The following RARS2 variants were observed in gnomAD, a reference collection of about 807,000 sequenced individuals.
The protein encoded by RARS2 is probable arginine--tRNA ligase, mitochondrial.
A neutral mutation model predicts 88.5 loss-of-function variants in RARS2; 67 were observed. The ratio of observed to expected loss-of-function variants is 0.76; its 90% CI spans 0.62 to 0.93. RARS2 has a LOEUF of 0.93. RARS2 is among the 40% of genes least tolerant of loss of function. The pLI is 0.00. For missense variants in RARS2, 664 were observed against 684.2 expected (o/e 0.97, Z 0.33); for synonymous variants, 239 against 230.3 (o/e 1.04, Z -0.34).
chr6:87,552,817 T>C (rs1784776359), intron 5 of RARS2, among the ~76,000 whole-genome samples: 1 of 152,148 alleles, frequency 6.6e-6, no homozygotes, highest in African/African-American at 2.4e-5. Context: ...TAGGAAACTT[T>C]ATAATGGCAT....
intron 10 of RARS2, among the ~76,000 whole-genome samples, chr6:87,528,896 G>A (rs193118766): frequency 2.0e-5 from 3 of 152,252 alleles, no homozygotes; most frequent in Admixed American, 6.5e-5. Context: ...AGGTAAGTAC[G>A]TAAGGTGATG....
intron 8 of RARS2, among the ~76,000 whole-genome samples, chr6:87,537,966 A>C (rs192811469): frequency 6.6e-6 from 1 of 152,336 alleles, no homozygotes; most frequent in African/African-American, 2.4e-5. Flanking sequence ...TTATTAAATA[A>C]ATTGAGTTGT....
At chr6:87,561,879 A>C (rs1434198049) in intron 4 of RARS2, among the ~76,000 whole-genome samples, 1 of 152,210 alleles carries the variant, frequency 6.6e-6, no homozygotes, top group East Asian at 1.9e-4. Context: ...ATTTGGGAAT[A>C]TTTTTAATAA....
At position 87,548,594 on chromosome 6, in the gene RARS2, T is replaced by A. The variant is rs1391075918; in HGVS notation, c.448A>T (p.Ile150Leu). 2 of 1,612,672 alleles carry A rather than the reference T, an allele frequency of 1.2e-6. No homozygotes were observed. The highest frequency in any genetic ancestry group is 2.7e-5 in the African/African-American group (2 of 74,892). Residue 150 changes from isoleucine to leucine, a missense_variant, in exon 6 of 20, where the codon ATA (isoleucine) becomes TTA (leucine). Ile to Leu is a conservative substitution (Grantham distance 5, BLOSUM62 2). Transcript: ENST00000369536. ...FHVGHLRSTI[I>L]GNFIANLKEA... Reference sequence around the variant, plus strand: ...TTATGTGAAACTAAACACTTACCTATGATGGTAGAACGCAAATGTCCAACA... The same window carrying A: ...TTATGTGAAACTAAACACTTACCTAAGATGGTAGAACGCAAATGTCCAACA...
intron 5 of RARS2, among the ~76,000 whole-genome samples, chr6:87,551,754 T>C (rs1784407842): frequency 6.6e-6 from 1 of 151,202 alleles, no homozygotes; most frequent in Non-Finnish European, 1.5e-5. Flanking sequence ...ACCTCCACAA[T>C]TCTCATTTTA....
chr6:87,547,634 T>C (rs558115362), intron 6 of RARS2, among the ~76,000 whole-genome samples: 13 of 152,082 alleles, frequency 8.5e-5, no homozygotes, highest in Non-Finnish European at 1.5e-4. Context: ...TTTATTGAAA[T>C]AGTCTTTTTT....
At chr6:87,550,579 A>G (rs1341362007) in intron 5 of RARS2, among the ~76,000 whole-genome samples, 3 of 152,080 alleles carry the variant, frequency 2.0e-5, no homozygotes, top group African/African-American at 7.2e-5. Context: ...ACAGCTCTAT[A>G]TAATTGTGGA....
chr6:87,544,991 T>A (rs573579677), intron 7 of RARS2, among the ~76,000 whole-genome samples: 2 of 152,328 alleles, frequency 1.3e-5, no homozygotes, highest in South Asian at 4.1e-4. Flanking sequence ...TTGAGAAAGG[T>A]GTACACAGTT....
At chr6:87,573,311 G>A (rs1770383580) in intron 1 of RARS2, among the ~76,000 whole-genome samples, 3 of 152,084 alleles carry the variant, frequency 2.0e-5, no homozygotes, top group Non-Finnish European at 2.9e-5. Context: ...TTCTATCACC[G>A]AGGCAGCACT....
intron 2 of RARS2, among the ~76,000 whole-genome samples, chr6:87,566,127 C>T (rs1767788907): frequency 6.6e-6 from 1 of 151,984 alleles, no homozygotes; most frequent in Non-Finnish European, 1.5e-5. Flanking sequence ...GCTTGGGCAA[C>T]ATAGCAAGAC....
rs116553288 is a variant in RARS2 at position 87,584,672 on chromosome 6, G to A, written c.36+5250C>T. 3.7e-3 allele frequency: 1,708 copies of A among 464,732 alleles called. 23 individuals carry two copies. The highest frequency in any genetic ancestry group is 0.03 in the African/African-American group (1,537 of 50,558). The allele number at this position is 464,732 out of a possible 1,614,324, so 28.8% of individuals were successfully genotyped here. ...TACAAATCTACCCTCAAAAGACTGA[G>A]GATGCTGAGAGACTGAAGAAAGCAG... On this transcript the variant is annotated intron_variant, in intron 1 of 19. Transcript: ENST00000369536.
intron 11 of RARS2, among the ~76,000 whole-genome samples, chr6:87,522,307 G>A (rs1415367284): frequency 1.6e-5 from 2 of 125,830 alleles, no homozygotes; most frequent in African/African-American, 3.1e-5. Flanking sequence ...TCCAGACTGA[G>A]CAACAGAGCA....
chr6:87,559,991 T>C lies in RARS2; in HGVS notation c.297+2711A>G, dbSNP rs1582688340. ...TTTGGTATTTTACATGATGCACAAG[T>C]TTATGGCCTAGGTCCGTGTAGTCGG... On this transcript the variant is annotated intron_variant, in intron 4 of 19. Coordinates refer to ENST00000369536, the MANE Select transcript of RARS2 (RefSeq NM_020320.5). Among the ~76,000 whole-genome samples the C allele has an allele frequency of 2.0e-5, 3 of 152,364 alleles. No homozygotes were observed. The South Asian group carries it at 6.2e-4, about 32-fold the overall frequency.
At chr6:87,581,250 T>C (rs975164161) in intron 1 of RARS2, among the ~76,000 whole-genome samples, 5 of 152,210 alleles carry the variant, frequency 3.3e-5, no homozygotes, top group African/African-American at 9.7e-5. Flanking sequence ...TCCATATCTT[T>C]AGCAACCAGA....
intron 5 of RARS2, among the ~76,000 whole-genome samples, chr6:87,551,713 CCA>C (rs1329860389): frequency 6.6e-6 from 1 of 151,404 alleles, no homozygotes; most frequent in Non-Finnish European, 1.5e-5. Context: ...GATCACTGAG[CCA>C]GTTACTAACA....
intron 1 of RARS2, among the ~76,000 whole-genome samples, chr6:87,582,194 A>T (rs879968791): frequency 6.6e-6 from 1 of 152,196 alleles, no homozygotes; most frequent in African/African-American, 2.4e-5. Flanking sequence ...TGTCTTCCAC[A>T]ATGGCTGAAC....
At chr6:87,519,941 G>A (rs1773304785) in intron 13 of RARS2, among the ~76,000 whole-genome samples, 1 of 152,014 alleles carries the variant, frequency 6.6e-6, no homozygotes, top group South Asian at 2.1e-4. Flanking sequence ...AAGGAGATGT[G>A]GATTAAGAAT....
chr6:87,579,085 G>T (rs1378539940), intron 1 of RARS2, among the ~76,000 whole-genome samples: 1 of 151,428 alleles, frequency 6.6e-6, no homozygotes, highest in Admixed American at 6.6e-5. Flanking sequence ...CATCTATACG[G>T]TAGCTAAATA....
chr6:87,564,482 C>T (rs1767225863), intron 2 of RARS2: 1 of 446,796 alleles, frequency 2.2e-6, no homozygotes, highest in African/African-American at 2.0e-5. Context: ...CATGGTAAAA[C>T]CCCATCTCTA....
Sources: allele counts gnomAD v4.1 joint callset (sites outside exome capture counted in the v4.1 genomes callset), GRCh38; gene constraint gnomAD v4.1.1; transcripts MANE v1.5; gene names NCBI Gene and HGNC (gene_info 2026-07-23, HGNC 2026-07-21).